Variants in ARGFX observed in about 807,000 individuals in gnomAD.
The protein encoded by ARGFX is arginine-fifty homeobox.
A neutral mutation model predicts 8.0 loss-of-function variants in ARGFX; 10 were observed. The observed-to-expected ratio is 1.25, with a 90% CI of 0.77 to 2.12. The LOEUF is 2.12. Among genes scored for constraint, ARGFX ranks in the 30% most tolerant of loss-of-function variants. The probability of loss-of-function intolerance (pLI) is 0.00; values close to 1 mark genes in which losing one functional copy is unlikely to be tolerated. For synonymous variants in ARGFX, 116 were observed against 117.8 expected (o/e 0.98, Z 0.10); for missense variants, 282 against 324.3 (o/e 0.87, Z 1.00).
In ARGFX at chr3:121,570,792, C is replaced by T; in HGVS notation, c.79C>T (p.Pro27Ser). 2 of 1,606,444 alleles carry T rather than the reference C, an allele frequency of 1.2e-6. No individual in the cohort carries two copies. The highest frequency in any genetic ancestry group is 1.1e-5 in the South Asian group (1 of 89,382). Residue 27 changes from proline to serine, a missense_variant, in exon 2 of 5, where the codon CCA (proline) becomes TCA (serine). Transcript: ENST00000334384. Reference protein sequence around the residue: ...NRNYSNMKVIPPQDPASPSFT... With the variant: ...NRNYSNMKVISPQDPASPSFT... ...GAATTATTCCAACATGAAGGTGATA[C>T]CACCACAGGATCCAGCTAGTCCCAG... is the stretch of plus-strand genomic sequence containing the variant.
intron 4 of ARGFX, 49 bp downstream of exon 4, chr3:121,585,114 C>G (rs1302728845): frequency 6.3e-7 from 1 of 1,591,672 alleles, no homozygotes; most frequent in Non-Finnish European, 8.6e-7. Context: ...GCCACATTCA[C>G]CTATCCAGCC....
intron 3 of ARGFX, among the ~76,000 whole-genome samples, chr3:121,580,172 T>C (rs1047535317): frequency 2.6e-5 from 4 of 151,520 alleles, no homozygotes; most frequent in Non-Finnish European, 1.5e-5. Context: ...CACCATGTGG[T>C]CCAGACTGGT....
intron 1 of ARGFX, among the ~76,000 whole-genome samples, 141 bp downstream of exon 1, chr3:121,568,154 G>A (rs893755536): frequency 6.6e-6 from 1 of 152,080 alleles, no homozygotes; most frequent in African/African-American, 2.4e-5. Flanking sequence ...ATAGATGGTT[G>A]GGGACAGAAG....
At chr3:121,568,573 C>T (rs987995341) in intron 1 of ARGFX, among the ~76,000 whole-genome samples, 2 of 152,184 alleles carry the variant, frequency 1.3e-5, no homozygotes, top group African/African-American at 4.8e-5. Context: ...GGAAAGTGGG[C>T]CAGGGTTTAG....
chr3:121,575,935 T>G, intron 2 of ARGFX, among the ~76,000 whole-genome samples: 1 of 149,498 alleles, frequency 6.7e-6, no homozygotes, highest in South Asian at 2.1e-4. Flanking sequence ...AAAAGTGTGG[T>G]TGAAAATAAA....
Position 121,570,685 on chromosome 3 carries a change from T to G in ARGFX, c.-12-17T>G, listed in dbSNP as rs77686228. 2.6e-6 allele frequency: 4 copies of G among 1,527,960 alleles called. No homozygotes were observed. The South Asian group carries it at 4.7e-5, about 18-fold the overall frequency. The allele number at this position is 1,527,960 out of a possible 1,614,324, so 94.7% of individuals were successfully genotyped here. On this transcript the variant is annotated splice_polypyrimidine_tract_variant and intron_variant, in intron 1 of 4. Coordinates refer to ENST00000334384, the MANE Select transcript of ARGFX (RefSeq NM_001012659.2). ...TTCCTCATCAGCATTCCCTATCTCA[T>G]AGGCCTTCCATCTCAGATTTCAGAA...
chr3:121,586,452 C>G lies in ARGFX; in HGVS notation c.800C>G (p.Ser267Cys). ...TKYQVGGQGS[S>C]LSIFAGPAVG... Reference sequence around the variant, plus strand: ...TACCAGGTAGGAGGACAGGGTTCCTCTCTCAGCATCTTTGCTGGTCCAGCT... The same window carrying G: ...TACCAGGTAGGAGGACAGGGTTCCTGTCTCAGCATCTTTGCTGGTCCAGCT... The change falls in exon 5 of 5, where the codon TCT (serine) becomes TGT (cysteine). Residue 267 changes from serine to cysteine, a missense_variant. Physicochemically the swap from Ser to Cys is moderately radical, Grantham distance 112. Transcript: ENST00000334384. 4 of 1,614,202 alleles carry G rather than the reference C, an allele frequency of 2.5e-6. No homozygotes were observed. The highest frequency in any genetic ancestry group is 3.4e-6 in the Non-Finnish European group (4 of 1,180,048).
intron 1 of ARGFX, among the ~76,000 whole-genome samples, chr3:121,569,362 CTTTTTTTT>C (rs1193645372): frequency 1.6e-5 from 2 of 125,576 alleles, no homozygotes; most frequent in Admixed American, 1.6e-4. Context: ...AATGTGAAAA[CTTTTTTTT>C]TTTTTTTTTT....
At chr3:121,581,923 C>T (rs2108838135) in intron 3 of ARGFX, among the ~76,000 whole-genome samples, 1 of 152,044 alleles carries the variant, frequency 6.6e-6, no homozygotes, top group Non-Finnish European at 1.5e-5. Context: ...AAAATCAGCT[C>T]CTCAGTGGAA....
chr3:121,583,620 T>C (rs906114727), intron 3 of ARGFX, among the ~76,000 whole-genome samples: 1 of 151,566 alleles, frequency 6.6e-6, no homozygotes, highest in African/African-American at 2.4e-5. Context: ...CTCAACCTCC[T>C]GGCTCAAGCA....
At chr3:121,579,943 TTC>T (rs1560121293) in intron 3 of ARGFX, among the ~76,000 whole-genome samples, 3 of 71,738 alleles carry the variant, frequency 4.2e-5, no homozygotes, top group African/African-American at 1.5e-4. Context: ...TTCTTTTCTT[TTC>T]TTTTTTTTTT....
intron 3 of ARGFX, among the ~76,000 whole-genome samples, chr3:121,584,677 G>T (rs2048800922): frequency 6.6e-6 from 1 of 152,172 alleles, no homozygotes; most frequent in East Asian, 1.9e-4. Context: ...AAATTGAAGA[G>T]GTAACTCATG....
In ARGFX at chr3:121,586,546, A is replaced by C; in HGVS notation, c.894A>C (p.Thr298=). ...AAGCCTTTGAAGCCTACAGTCTAAC[A>C]GATAGCCTGGAATTCCAGAAAACCT... ...TSQAFEAYSL[T]DSLEFQKTSN... Residue 298 remains threonine, a synonymous_variant, in exon 5 of 5, where the codon ACA becomes ACC. Coordinates refer to ENST00000334384, the MANE Select transcript of ARGFX (RefSeq NM_001012659.2). 1 of 1,614,162 alleles carries C rather than the reference A, an allele frequency of 6.2e-7. No homozygotes were observed. Among genetic ancestry groups the C allele is most frequent in the African/African-American group, 1.3e-5 (1 of 75,044 alleles).
intron 1 of ARGFX, 50 bp from the exon 2 acceptor site, chr3:121,570,652 C>G (rs12485719): frequency 9.5e-6 from 12 of 1,262,022 alleles, no homozygotes; most frequent in Non-Finnish European, 1.1e-5. Flanking sequence ...TGCTATCCAG[C>G]GAATGAATTC....
intron 2 of ARGFX, among the ~76,000 whole-genome samples, chr3:121,572,375 G>A (rs1385565019): frequency 1.3e-5 from 2 of 151,716 alleles, no homozygotes; most frequent in East Asian, 3.9e-4. Flanking sequence ...CCAAATAGCT[G>A]GGATTACAGG....
At chr3:121,580,114 TTTTTTGTAGAGACGGGATTTCACCATG>T (rs1206142849) in intron 3 of ARGFX, among the ~76,000 whole-genome samples, 4 of 151,520 alleles carry the variant, frequency 2.6e-5, no homozygotes, top group African/African-American at 9.7e-5. Context: ...CACTACACCC[TTTTTTGTAGAGACGGGATTTCACCATG>T]TTTTTGTAGA....
In ARGFX at chr3:121,570,656, T is replaced by C. The variant is rs546174245; in HGVS notation, c.-12-46T>C. On this transcript the variant is annotated intron_variant, in intron 1 of 4. Transcript: ENST00000334384. ...CTTGAAAACATTGCTATCCAGCGAA[T>C]GAATTCCTCATCAGCATTCCCTATC... 99 of 1,320,194 alleles carry C rather than the reference T, an allele frequency of 7.5e-5. 1 individual carries two copies. The Middle Eastern group carries it at 1.0e-3, about 14-fold the overall frequency. The allele number at this position is 1,320,194 out of a possible 1,614,324, so 81.8% of individuals were successfully genotyped here.
In ARGFX at chr3:121,586,758, G is replaced by A. The variant is rs1385269827; in HGVS notation, c.*158G>A. 5.9e-6 allele frequency: 4 copies of A among 677,692 alleles called. No individual in the cohort carries two copies. Among genetic ancestry groups the A allele is most frequent in the African/African-American group, 3.6e-5 (2 of 55,106 alleles). 42.0% of individuals were successfully genotyped at this position (677,692 alleles called of 1,614,324 possible). On this transcript the variant is annotated 3_prime_UTR_variant, in exon 5 of 5. Coordinates refer to ENST00000334384, the MANE Select transcript of ARGFX (RefSeq NM_001012659.2). ...AAAAGAGTTTTCCAAGTAGAGCTGG[G>A]CACTACGTAATCAGCCCCACAAGTC...
rs2048746627 is a variant in ARGFX at position 121,577,252 on chromosome 3, T to TCTACATGTAC, written c.220+352_220+353insCTACATGTAC. Reference sequence around the variant, plus strand: ...ATATATATATATATATATATATATATATATATATTTTTTTTTTTTTAAATG... The same window carrying TCTACATGTAC: ...ATATATATATATATATATATATATATCTACATGTACATATATATTTTTTTTTTTTTAAATG... On this transcript the variant is annotated intron_variant, in intron 3 of 4. Transcript: ENST00000334384. Among the ~76,000 whole-genome samples, 9 of 53,978 alleles carry TCTACATGTAC rather than the reference T, an allele frequency of 1.7e-4. No individual in the cohort carries two copies. The South Asian group carries it at 2.0e-3, about 12-fold the overall frequency. 35.4% of individuals were successfully genotyped at this position (53,978 alleles called of 152,430 possible). A position where few individuals can be genotyped will look rare whatever the true frequency, so the allele number is the denominator to read the frequency against.
Sources: gnomAD v4.1 joint callset for allele counts (sites outside exome capture counted in the v4.1 genomes callset) on GRCh38, gnomAD v4.1.1 for gene constraint, MANE v1.5 for transcripts, NCBI Gene and HGNC (gene_info 2026-07-23, HGNC 2026-07-21) for gene names.